Variants in GPR173 observed in about 807,000 individuals in gnomAD.
The protein encoded by GPR173 is G protein-coupled receptor 173.
Under a neutral mutation model 13.9 loss-of-function variants are expected in GPR173, and 2 were observed. That is an observed-to-expected ratio of 0.14 (90% CI 0.06 to 0.45). The LOEUF (loss-of-function observed/expected upper bound fraction) is 0.45. Among genes scored for constraint, GPR173 ranks in the 20% least tolerant of loss-of-function variants. The pLI is 0.98. For synonymous variants in GPR173, 131 were observed against 141.0 expected (o/e 0.93, Z 0.50); for missense variants, 202 against 340.5 (o/e 0.59, Z 3.20).
intron 1 of GPR173, among the ~76,000 whole-genome samples, chrX:53,066,001 G>A (rs868911654): frequency 1.2e-4 from 13 of 111,322 alleles, no homozygotes; most frequent in Middle Eastern, 4.3e-3. Flanking sequence ...TCAGGAGGCT[G>A]AGGTGGGAGG....
At chrX:53,050,841 T>C (rs1363272925) in intron 1 of GPR173, among the ~76,000 whole-genome samples, 1 of 111,537 alleles carries the variant, frequency 9.0e-6, no homozygotes, top group East Asian at 2.8e-4. Flanking sequence ...TTGTAGAGAA[T>C]GATAAGTGGT....
chrX:53,063,033 G>C (rs1056872455), intron 1 of GPR173, among the ~76,000 whole-genome samples: 3 of 110,405 alleles, frequency 2.7e-5, no homozygotes, highest in African/African-American at 9.9e-5. Flanking sequence ...TGGTCCTGTA[G>C]TTCTGTGGTC....
intron 1 of GPR173, among the ~76,000 whole-genome samples, chrX:53,066,724 C>CATTATT (rs201315993): frequency 0.29 from 31,634 of 107,325 alleles, 5,061 homozygotes; most frequent in African/African-American, 0.59. Context: ...TCTTTTACCT[C>CATTATT]ATTATTATTA....
At chrX:53,060,657 T>C (rs184798676) in intron 1 of GPR173, among the ~76,000 whole-genome samples, 12 of 107,529 alleles carry the variant, frequency 1.1e-4, no homozygotes, top group African/African-American at 3.0e-4. Context: ...AAATTTCTTG[T>C]TGGGGCACCC....
chrX:53,072,393 G>GCTCTCTCTCTCTCTCT (rs111935395), intron 1 of GPR173, among the ~76,000 whole-genome samples: 36 of 90,100 alleles, frequency 4.0e-4, no homozygotes, highest in African/African-American at 1.2e-3. Context: ...TCTCTCTCTT[G>GCTCTCTCTCTCTCTCT]CTCTCTCTCT....
At chrX:53,058,096 A>G (rs782374757) in intron 1 of GPR173, among the ~76,000 whole-genome samples, 3 of 112,374 alleles carry the variant, frequency 2.7e-5, no homozygotes, top group Non-Finnish European at 5.6e-5. Context: ...GCATGTGAGA[A>G]AGGAAGCATG....
chrX:53,062,569 CTTCTTTTTTTTTTTTTT>C, intron 1 of GPR173, among the ~76,000 whole-genome samples: 1 of 74,649 alleles, frequency 1.3e-5, no homozygotes. Context: ...ACATTGTCTT[CTTCTTTTTTTTTTTTTT>C]TTTTTTTTTT....
chrX:53,077,579 C>T lies in GPR173; in HGVS notation c.958C>T (p.Arg320Cys), dbSNP rs1201095125. The part of the protein sequence containing the change: ...VFVKACAVPH[R>C]YLATAVWMSF... ...TGTGAAAGCCTGTGCTGTGCCCCAC[C>T]GCTACCTGGCCACTGCTGTTTGGAT... Residue 320 changes from arginine to cysteine, a missense_variant, in exon 2 of 2, where the codon CGC becomes TGC. Physicochemically the swap from Arg to Cys is radical, Grantham distance 180. This residue lies in a region of GPR173 where 76 missense variants were observed against 116.3 expected (regional missense o/e 0.65). Transcript: ENST00000332582. The T allele has an allele frequency of 8.3e-7, 1 of 1,211,448 alleles. No individual in the cohort carries two copies. The highest frequency in any genetic ancestry group is 1.1e-6 in the Non-Finnish European group (1 of 895,070).
chrX:53,074,507 G>T (rs868955317), intron 1 of GPR173, among the ~76,000 whole-genome samples: 3 of 20,657 alleles, frequency 1.5e-4, no homozygotes, highest in Non-Finnish European at 2.0e-4. Flanking sequence ...TATAAATATA[G>T]ATTTATATAT....
At chrX:53,055,987 A>C (rs67457527) in intron 1 of GPR173, among the ~76,000 whole-genome samples, 32,391 of 106,690 alleles carry the variant, frequency 0.3, 4,954 homozygotes, top group African/African-American at 0.59. Flanking sequence ...AGTGTGAGTA[A>C]TTGGATGGGG....
At chrX:53,065,292 C>G (rs1451546210) in intron 1 of GPR173, 3 of 111,930 alleles carry the variant, frequency 2.7e-5, no homozygotes, top group Non-Finnish European at 5.6e-5. Flanking sequence ...ACCTAATGCC[C>G]TCAGTAATTA....
In GPR173 at chrX:53,078,018, G is replaced by C. The variant is rs201253074; in HGVS notation, c.*275G>C. The C allele has an allele frequency of 5.9e-4, 151 of 256,244 alleles. No individual in the cohort carries two copies. Among genetic ancestry groups the C allele is most frequent in the Middle Eastern group, 1.2e-3 (1 of 842 alleles). The allele number at this position is 256,244 out of a possible 1,213,427, so 21.1% of individuals were successfully genotyped here. On this transcript the variant is annotated 3_prime_UTR_variant, in exon 2 of 2. Transcript: ENST00000332582. The stretch of plus-strand genomic sequence containing the variant: ...TCTCATTCTCTCTCTCTCTCTCTCT[G>C]TCTCTCTCTCTCTCTCTCTCTCTCT...
rs1556806026 is a variant in GPR173 at position 53,077,476 on chromosome X, C to A, written c.855C>A (p.Gly285=). Residue 285 remains glycine, a synonymous_variant, in exon 2 of 2, where the codon GGC becomes GGA. Coordinates refer to ENST00000332582, the MANE Select transcript of GPR173 (RefSeq NM_018969.6). ...MDEVKGEKQL[G]RMFYAITLLF... ...AGGTCAAGGGTGAAAAGCAGCTGGG[C>A]CGCATGTTCTACGCGATCACACTGC... The A allele has an allele frequency of 2.5e-6, 3 of 1,211,171 alleles. No homozygotes were observed. Among genetic ancestry groups the A allele is most frequent in the South Asian group, 3.5e-5 (2 of 56,898 alleles).
intron 1 of GPR173, among the ~76,000 whole-genome samples, chrX:53,057,309 C>T (rs1041598823): frequency 1.9e-5 from 2 of 106,615 alleles, no homozygotes; most frequent in African/African-American, 6.9e-5. Context: ...CCCAGCTACT[C>T]GGGAGGCTGA....
chrX:53,052,333 G>A (rs1931968260), intron 1 of GPR173, among the ~76,000 whole-genome samples: 1 of 111,423 alleles, frequency 9.0e-6, no homozygotes, highest in South Asian at 3.8e-4. Flanking sequence ...ATGTCTAATT[G>A]TGTTTGTGTG....
At chrX:53,066,307 A>C (rs1932182731) in intron 1 of GPR173, among the ~76,000 whole-genome samples, 2 of 111,454 alleles carry the variant, frequency 1.8e-5, no homozygotes, top group Non-Finnish European at 3.8e-5. Context: ...TCCTAAGTTG[A>C]AGTTTTGCTT....
intron 1 of GPR173, among the ~76,000 whole-genome samples, chrX:53,052,493 G>A (rs1931971057): frequency 9.0e-6 from 1 of 110,585 alleles, no homozygotes; most frequent in African/African-American, 3.3e-5. Context: ...ATATGTGGGT[G>A]TATATGCTAG....
intron 1 of GPR173, among the ~76,000 whole-genome samples, chrX:53,065,714 T>C (rs1932176030): frequency 1.8e-5 from 2 of 112,273 alleles, no homozygotes; most frequent in Non-Finnish European, 3.8e-5. Context: ...ATTTGGATAA[T>C]TTGTAGTGTT....
intron 1 of GPR173, chrX:53,065,090 A>G (rs1602091573): frequency 1.8e-5 from 2 of 112,281 alleles, no homozygotes; most frequent in Non-Finnish European, 3.8e-5. Flanking sequence ...GGTGCTGAGC[A>G]TAGATCTTCT....
Sources: allele counts gnomAD v4.1 joint callset (sites outside exome capture counted in the v4.1 genomes callset), GRCh38; gene constraint gnomAD v4.1.1; regional missense constraint gnomAD v4.1.1; transcripts MANE v1.5; gene names NCBI Gene and HGNC (gene_info 2026-07-23, HGNC 2026-07-21).